GPSM1: variants seen among roughly 807,000 people sequenced by gnomAD.
GPSM1 encodes the protein G protein-signaling modulator 1.
A neutral mutation model predicts 70.5 loss-of-function variants in GPSM1; 48 were observed. The ratio of observed to expected loss-of-function variants is 0.68; its 90% CI spans 0.54 to 0.87. The LOEUF is 0.87. GPSM1 is among the 40% of genes least tolerant of loss of function. The pLI, the probability that GPSM1 is intolerant of heterozygous loss-of-function variation, is 0.00. For missense variants in GPSM1, 981 were observed against 972.6 expected (o/e 1.01, Z -0.11); for synonymous variants, 416 against 430.1 (o/e 0.97, Z 0.41).
intron 1 of GPSM1, chr9:136,332,101 C>T (rs782191295): frequency 1.5e-5 from 6 of 399,272 alleles, no homozygotes; most frequent in Admixed American, 4.4e-5. Flanking sequence ...CGCCCCCGCC[C>T]GCTGCTGCTG....
rs201631224 is a variant in GPSM1, at chr9:136,337,821, C to G, written c.703-25C>G. ...AGGCCCCGGGGCTGCGCCATGACCACCTGGCCTCCGGTGTGTCTCCGCAGC... is the reference window on the plus strand; with the variant it reads ...AGGCCCCGGGGCTGCGCCATGACCAGCTGGCCTCCGGTGTGTCTCCGCAGC... On this transcript the variant is annotated intron_variant, in intron 5 of 13. Transcript: ENST00000440944. 1.3e-4 allele frequency: 202 copies of G among 1,562,392 alleles called. No individual in the cohort carries two copies. The African/African-American group carries it at 2.4e-3, about 18-fold the overall frequency.
At chr9:136,335,518 G>A (rs1490841765) in intron 2 of GPSM1, among the ~76,000 whole-genome samples, 2 of 152,172 alleles carry the variant, frequency 1.3e-5, no homozygotes, top group Non-Finnish European at 2.9e-5. Flanking sequence ...TGGCCAGTGA[G>A]CTCACACCTG....
intron 11 of GPSM1, among the ~76,000 whole-genome samples, chr9:136,350,287 A>G (rs1349337762): frequency 6.6e-6 from 1 of 152,226 alleles, no homozygotes; most frequent in Non-Finnish European, 1.5e-5. Flanking sequence ...GGCTCTGGCC[A>G]GTGAGGTCAA....
chr9:136,336,235 T>C, intron 3 of GPSM1, 134 bp downstream of exon 3: 3 of 1,078,170 alleles, frequency 2.8e-6, no homozygotes, highest in Non-Finnish European at 4.0e-6. Context: ...GTCGGTCCCC[T>C]AGATCCCGAG....
chr9:136,335,157 G>A (rs1166050762), intron 2 of GPSM1, among the ~76,000 whole-genome samples: 2 of 152,120 alleles, frequency 1.3e-5, no homozygotes, highest in Non-Finnish European at 1.5e-5. Context: ...GTGGCTCAGA[G>A]CCCCACCCTT....
At chr9:136,337,361 C>A in intron 4 of GPSM1, 80 bp from the exon 5 acceptor site, 1 of 1,531,346 alleles carries the variant, frequency 6.5e-7, no homozygotes, top group Non-Finnish European at 8.8e-7. Flanking sequence ...CGCATGGAGG[C>A]CGCTACTCAG....
At chr9:136,356,636 T>G in intron 13 of GPSM1, 86 bp downstream of exon 13, 1 of 970,852 alleles carries the variant, frequency 1.0e-6, no homozygotes. Context: ...AGGGGTGAGG[T>G]GGGCGCTGGT....
At chr9:136,336,287 C>T (rs999500714) in intron 3 of GPSM1, among the ~76,000 whole-genome samples, 186 bp downstream of exon 3, 18 of 152,104 alleles carry the variant, frequency 1.2e-4, no homozygotes, top group African/African-American at 4.8e-5. Flanking sequence ...GCCCCCCCAG[C>T]CCATGCTGAC....
chr9:136,358,297 G>T lies in GPSM1; in HGVS notation c.*77G>T. ...CTCACAGTCACAGCCACGTCCTCCC[G>T]AGGCCATTGCCGAGGACAGGCACTG... On this transcript the variant is annotated 3_prime_UTR_variant, in exon 14 of 14. Coordinates refer to ENST00000440944, the MANE Select transcript of GPSM1 (RefSeq NM_001145638.3). The T allele has an allele frequency of 7.7e-7, 1 of 1,304,362 alleles. No individual in the cohort carries two copies. The highest frequency in any genetic ancestry group is 1.1e-6 in the Non-Finnish European group (1 of 945,576). 80.8% of individuals were successfully genotyped at this position (1,304,362 alleles called of 1,614,324 possible). A position where few individuals can be genotyped will look rare whatever the true frequency, so the allele number is the denominator to read the frequency against.
chr9:136,353,137 G>A (rs1360569019), intron 11 of GPSM1: 1 of 983,238 alleles, frequency 1.0e-6, no homozygotes, highest in Non-Finnish European at 1.2e-6. Context: ...TGCTGCTGTG[G>A]AGACAGCCTG....
At position 136,341,233 on chromosome 9, in the gene GPSM1, G is replaced by A. The variant is rs1832383820; in HGVS notation, c.1207+240G>A. The A allele has an allele frequency of 8.6e-6, 13 of 1,513,346 alleles. No homozygotes were observed. Among genetic ancestry groups the A allele is most frequent in the Non-Finnish European group, 1.2e-5 (13 of 1,127,286 alleles). The allele number at this position is 1,513,346 out of a possible 1,614,324, so 93.7% of individuals were successfully genotyped here. On this transcript the variant is annotated intron_variant, in intron 9 of 13. Coordinates refer to ENST00000440944, the MANE Select transcript of GPSM1 (RefSeq NM_001145638.3). The surrounding 1 kb of genome is among the most constrained non-coding windows in gnomAD (Gnocchi z 6.7). ...GCTGCTGGATGAAGGACAGGAGGTG[G>A]TCGCCTGTTGCCCCACTGGCTGCTC...
At position 136,342,780 on chromosome 9, in the gene GPSM1, G is replaced by A. The variant is rs1346743965; in HGVS notation, c.1207+1787G>A. Among the ~76,000 whole-genome samples, 1 of 152,028 alleles carries A rather than the reference G, an allele frequency of 6.6e-6. No homozygotes were observed. The highest frequency in any genetic ancestry group is 1.5e-5 in the Non-Finnish European group (1 of 67,976). On this transcript the variant is annotated intron_variant, in intron 9 of 13. Coordinates refer to ENST00000440944, the MANE Select transcript of GPSM1 (RefSeq NM_001145638.3). The surrounding 1 kb of genome is among the most constrained non-coding windows in gnomAD (Gnocchi z 5.5). ...CTGCGGGAGGGGAGGGGGGTGCAGA[G>A]CCGCGCTAGAGCCTGGCCGTGCGGA...
rs1254772470 is a variant in GPSM1 at position 136,351,871 on chromosome 9, C to T, written c.1455+2108C>T. 7.2e-5 allele frequency among the ~76,000 whole-genome samples: 11 copies of T among 152,336 alleles called. No individual in the cohort carries two copies. In the East Asian group the frequency reaches 9.6e-4, roughly 13 times the overall value. On this transcript the variant is annotated intron_variant, in intron 11 of 13. Transcript: ENST00000440944. ...CCGAGGTCAGAACCTTGGGTACCTC[C>T]GAGTAAGGACCGTCTGCACCCTGGT...
intron 11 of GPSM1, 75 bp downstream of exon 11, chr9:136,349,838 C>A: frequency 7.2e-7 from 1 of 1,394,358 alleles, no homozygotes. Flanking sequence ...CCACTGCCAG[C>A]CAACGGGGCC....
chr9:136,336,246 T>A, intron 3 of GPSM1, 145 bp downstream of exon 3: 1 of 1,003,538 alleles, frequency 1.0e-6, no homozygotes, highest in Non-Finnish European at 1.5e-6. Context: ...AGATCCCGAG[T>A]GACTCAGGAG....
rs1554768922 is a variant in GPSM1 at position 136,334,595 on chromosome 9, G to C, written c.217G>C (p.Gly73Arg). 1 of 1,613,336 alleles carries C rather than the reference G, an allele frequency of 6.2e-7. No homozygotes were observed. The change falls in exon 2 of 14, where the codon GGC becomes CGC. Residue 73 changes from glycine (G) to arginine (R), a missense_variant. Coordinates refer to ENST00000440944, the MANE Select transcript of GPSM1 (RefSeq NM_001145638.3). ...KTLSAIYSQL[G>R]NAYFYLKEHG... ...ACTGAGTGCCATCTACAGCCAGCTG[G>C]GCAACGCCTACTTCTACCTGAAGGA... is the stretch of plus-strand genomic sequence containing the variant.
intron 9 of GPSM1, among the ~76,000 whole-genome samples, chr9:136,344,133 G>T (rs947043248): frequency 7.3e-5 from 11 of 150,916 alleles, no homozygotes; most frequent in African/African-American, 2.7e-4. Flanking sequence ...ACAGGGAGGT[G>T]CGGACAGGAA....
Position 136,341,795 on chromosome 9 carries a change from C to A in GPSM1, c.1207+802C>A. 1.0e-6 allele frequency: 1 copy of A among 983,102 alleles called. No individual in the cohort carries two copies. Among genetic ancestry groups the A allele is most frequent in the Non-Finnish European group, 1.2e-6 (1 of 827,942 alleles). The allele number at this position is 983,102 out of a possible 1,614,324, so 60.9% of individuals were successfully genotyped here. On this transcript the variant is annotated intron_variant, in intron 9 of 13. Transcript: ENST00000440944. This position sits in a 1 kb window ranked among gnomAD's most constrained non-coding sequence, Gnocchi z 6.7. ...ATGTGGTGCTGGGCTGCCGGAGTTT[C>A]TTTTTCTTATCTTATTTTTAATAAT...
Position 136,327,774 on chromosome 9 carries a change from CCG to C in GPSM1, c.68+12_68+13del. On this transcript the variant is annotated intron_variant, in intron 1 of 13. Transcript: ENST00000440944. ...GCGCCTCTACTCCAGGTAGGACGGGCCGGGGCCGGGGCCGGGGCCGGGGCTGG... is the reference window on the plus strand; with the variant it reads ...GCGCCTCTACTCCAGGTAGGACGGGCGGGCCGGGGCCGGGGCCGGGGCTGG... 1 of 981,082 alleles carries C rather than the reference CCG, an allele frequency of 1.0e-6. No homozygotes were observed. The highest frequency in any genetic ancestry group is 1.3e-6 in the Non-Finnish European group (1 of 774,346). The allele number at this position is 981,082 out of a possible 1,614,324, so 60.8% of individuals were successfully genotyped here.
Sources: allele counts gnomAD v4.1 joint callset (sites outside exome capture counted in the v4.1 genomes callset), GRCh38; gene constraint gnomAD v4.1.1; non-coding constraint Gnocchi (gnomAD v3.1); transcripts MANE v1.5; gene names NCBI Gene and HGNC (gene_info 2026-07-23, HGNC 2026-07-21).